CLIC5: variants seen among roughly 807,000 people sequenced by gnomAD.
CLIC5 encodes the protein chloride intracellular channel protein 5.
A neutral mutation model predicts 24.7 loss-of-function variants in CLIC5; 20 were observed. The ratio of observed to expected loss-of-function variants is 0.81; its 90% confidence interval spans 0.57 to 1.18. The LOEUF is 1.18. Among genes scored for constraint, CLIC5 ranks in the 50% most tolerant of loss-of-function variants. The pLI, the probability that CLIC5 is intolerant of heterozygous loss-of-function variation, is 0.00. For missense variants in CLIC5, 341 were observed against 326.1 expected, an observed-to-expected ratio of 1.05 and a Z score of -0.35; for synonymous variants, 159 against 135.6, an observed-to-expected ratio of 1.17 and a Z score of -1.20.
intron 1 of CLIC5, among the ~76,000 whole-genome samples, chr6:45,983,830 T>A (rs1478363934): frequency 2.6e-5 from 4 of 152,206 alleles, no homozygotes; most frequent in African/African-American, 9.7e-5. Context: ...TTTAAATTAG[T>A]CCTCCAGTTA....
At chr6:45,912,832 T>C (rs1325483072) in intron 5 of CLIC5, 25 of 888,906 alleles carry the variant, frequency 2.8e-5, no homozygotes, top group Non-Finnish European at 4.3e-5. Context: ...CAAGTGACTA[T>C]TGGCTTGGCC....
At chr6:46,050,879 A>C (rs1467970476) in intron 1 of CLIC5, among the ~76,000 whole-genome samples, 1 of 91,296 alleles carries the variant, frequency 1.1e-5, no homozygotes, top group Non-Finnish European at 2.5e-5. Context: ...GTGTGTGTGC[A>C]TTCCTCCCCA....
chr6:46,002,940 G>A (rs902724146), intron 1 of CLIC5, among the ~76,000 whole-genome samples: 1 of 152,200 alleles, frequency 6.6e-6, no homozygotes, highest in Non-Finnish European at 1.5e-5. Flanking sequence ...TTCTGATTTA[G>A]CGCAGCAATT....
the CLIC5 span, among the ~76,000 whole-genome samples, chr6:46,108,032 C>CAAAAAAAAAAAAAAA: frequency 5.1e-4 from 17 of 33,294 alleles, no homozygotes; most frequent in South Asian, 1.8e-3. Flanking sequence ...AAAACTCCAT[C>CAAAAAAAAAAAAAAA]AAAAAAAAAA....
intron 1 of CLIC5, among the ~76,000 whole-genome samples, chr6:46,015,121 G>C (rs1357855840): frequency 1.3e-5 from 2 of 152,166 alleles, no homozygotes; most frequent in East Asian, 1.9e-4. Context: ...AAAGGTTCAC[G>C]GGTCCAGCCA....
At chr6:45,911,430 T>C (rs1762814413) in intron 5 of CLIC5, among the ~76,000 whole-genome samples, 2 of 152,288 alleles carry the variant, frequency 1.3e-5, no homozygotes, top group South Asian at 4.1e-4. Context: ...TGAAAGATGA[T>C]GATCCCTTGG....
chr6:46,059,572 A>G (rs1762179280), intron 1 of CLIC5, among the ~76,000 whole-genome samples: 1 of 152,180 alleles, frequency 6.6e-6, no homozygotes, highest in Non-Finnish European at 1.5e-5. Context: ...CTCCCTCCAC[A>G]TGCCAAGACA....
At position 45,915,955 on chromosome 6, in the gene CLIC5, G is replaced by A. The variant is rs114587074; in HGVS notation, c.407-1546C>T. On this transcript the variant is annotated intron_variant, in intron 4 of 5. Transcript: ENST00000339561. Reference sequence around the variant, plus strand: ...GCCTGACACTGAGATAATGGAAGTCGATCCTGCTGTTCATTCCAGTAGATA... The same window carrying A: ...GCCTGACACTGAGATAATGGAAGTCAATCCTGCTGTTCATTCCAGTAGATA... 3.1e-3 allele frequency among the ~76,000 whole-genome samples: 467 copies of A among 152,266 alleles called. 2 individuals are homozygous for A. The highest frequency in any genetic ancestry group is 9.4e-3 in the African/African-American group (391 of 41,570).
At chr6:46,051,801 C>T (rs1262894910) in intron 1 of CLIC5, among the ~76,000 whole-genome samples, 1 of 152,150 alleles carries the variant, frequency 6.6e-6, no homozygotes, top group African/African-American at 2.4e-5. Context: ...ATATTATTCC[C>T]ATATCACAGA....
At chr6:46,064,064 C>T (rs1162915887) in intron 1 of CLIC5, among the ~76,000 whole-genome samples, 2 of 151,842 alleles carry the variant, frequency 1.3e-5, no homozygotes, top group African/African-American at 2.4e-5. Flanking sequence ...AATATAAACC[C>T]ATATATGGTT....
At chr6:46,028,385 G>C (rs755673163) in intron 1 of CLIC5, among the ~76,000 whole-genome samples, 1 of 152,176 alleles carries the variant, frequency 6.6e-6, no homozygotes, top group East Asian at 1.9e-4. Context: ...ACCACTGGGT[G>C]GCCATTTGCC....
chr6:46,022,089 T>C (rs958916215), intron 1 of CLIC5, among the ~76,000 whole-genome samples: 3 of 152,236 alleles, frequency 2.0e-5, no homozygotes, highest in South Asian at 2.1e-4. Context: ...TTTTATGAGA[T>C]GCAGTGCTTC....
At chr6:46,020,860 C>T (rs909053024), upstream of CLIC5, among the ~76,000 whole-genome samples, 1 of 151,836 alleles carries the variant, frequency 6.6e-6, no homozygotes, top group Non-Finnish European at 1.5e-5. Flanking sequence ...ACAAAATTCA[C>T]TCAATGAGAA....
chr6:46,048,305 A>G (rs1768011154), intron 1 of CLIC5, among the ~76,000 whole-genome samples: 1 of 152,112 alleles, frequency 6.6e-6, no homozygotes, highest in African/African-American at 2.4e-5. Flanking sequence ...TCCCAGCCCC[A>G]TATTATATTT....
intron 1 of CLIC5, among the ~76,000 whole-genome samples, chr6:46,036,791 C>T (rs1767675372): frequency 6.6e-6 from 1 of 152,082 alleles, no homozygotes; most frequent in Non-Finnish European, 1.5e-5. Context: ...TTGTAGTTTC[C>T]ATACTTTATA....
At chr6:46,084,428 T>C (rs1562044200), upstream of CLIC5, among the ~76,000 whole-genome samples, 3 of 152,242 alleles carry the variant, frequency 2.0e-5, no homozygotes, top group Admixed American at 6.5e-5. Context: ...TTCCTTTCCA[T>C]GTTTAGTGCT....
intron 1 of CLIC5, among the ~76,000 whole-genome samples, chr6:46,031,089 C>T (rs1415152313): frequency 6.6e-6 from 1 of 152,204 alleles, no homozygotes; most frequent in East Asian, 1.9e-4. Flanking sequence ...TCTACATTTA[C>T]TCATTTTATT....
At chr6:45,920,505 T>C (rs1404467634) in intron 4 of CLIC5, 1 of 301,134 alleles carries the variant, frequency 3.3e-6, no homozygotes, top group Non-Finnish European at 4.9e-6. Flanking sequence ...AGAAAGACCA[T>C]GGCAGACGGA....
intron 1 of CLIC5, among the ~76,000 whole-genome samples, chr6:45,963,319 C>T (rs1346656487): frequency 6.6e-6 from 1 of 152,170 alleles, no homozygotes; most frequent in Non-Finnish European, 1.5e-5. Flanking sequence ...GCCAGCTTAA[C>T]AGGCAGGCAG....
Sources: allele counts gnomAD v4.1 joint callset (sites outside exome capture counted in the v4.1 genomes callset), GRCh38; gene constraint gnomAD v4.1.1; transcripts MANE v1.5; gene names NCBI Gene and HGNC (gene_info 2026-07-23, HGNC 2026-07-21).